Variants in DCUN1D1 observed in about 807,000 individuals in gnomAD.
DCUN1D1 encodes DCN1-like protein 1.
DCUN1D1 carries 3 observed loss-of-function variants against 39.0 expected under a neutral mutation model. That is an observed-to-expected ratio of 0.08 (90% confidence interval 0.04 to 0.20). The LOEUF (loss-of-function observed/expected upper bound fraction) is 0.20, where lower values mean the gene tolerates loss of function less well. Among genes scored for constraint, DCUN1D1 ranks in the 10% least tolerant of loss-of-function variants. The pLI, the probability that DCUN1D1 is intolerant of heterozygous loss-of-function variation, is 1.00. For synonymous variants in DCUN1D1, 82 were observed against 96.3 expected (o/e 0.85, Z 0.87); for missense variants, 158 against 302.4 (o/e 0.52, Z 3.54).
At chr3:182,957,481 G>T (rs1727133735) in intron 4 of DCUN1D1, among the ~76,000 whole-genome samples, 1 of 151,998 alleles carries the variant, frequency 6.6e-6, no homozygotes, top group Non-Finnish European at 1.5e-5. Context: ...GTAAAAATTA[G>T]CCAGGCATGG....
chr3:182,960,169 GCA>G (rs1309776482), intron 4 of DCUN1D1, among the ~76,000 whole-genome samples: 1 of 152,052 alleles, frequency 6.6e-6, no homozygotes, highest in Non-Finnish European at 1.5e-5. Flanking sequence ...ACAGTACTTA[GCA>G]CAGTGCCAGA....
chr3:182,944,963 T>C lies in DCUN1D1; in HGVS notation c.*131A>G. ...TATGGTCCAAGATGTATCCTTAAAG[T>C]TTTGTCTCAACCCTCAGTCTGAATT... On this transcript the variant is annotated 3_prime_UTR_variant, in exon 7 of 7. Coordinates refer to ENST00000292782, the MANE Select transcript of DCUN1D1 (RefSeq NM_020640.4). 1.4e-6 allele frequency: 1 copy of C among 738,404 alleles called. No individual in the cohort carries two copies. Among genetic ancestry groups the C allele is most frequent in the South Asian group, 1.7e-5 (1 of 57,322 alleles). The allele number at this position is 738,404 out of a possible 1,614,324, so 45.7% of individuals were successfully genotyped here. A position where few individuals can be genotyped will look rare whatever the true frequency, so the allele number is the denominator to read the frequency against.
intron 4 of DCUN1D1, among the ~76,000 whole-genome samples, chr3:182,948,418 GAC>G (rs1206381397): frequency 4.0e-5 from 6 of 151,484 alleles, no homozygotes; most frequent in Middle Eastern, 3.2e-3. Context: ...CTTACCACAC[GAC>G]AGAGAACTAC....
intron 1 of DCUN1D1, among the ~76,000 whole-genome samples, chr3:182,966,321 A>G (rs1268365988): frequency 6.6e-6 from 1 of 152,230 alleles, no homozygotes; most frequent in Non-Finnish European, 1.5e-5. Flanking sequence ...AATAGGAGAA[A>G]GCAATAAAAT....
In DCUN1D1 at chr3:182,939,193, G is replaced by A. The variant is rs1726026838; in HGVS notation, c.*5901C>T. The stretch of plus-strand genomic sequence containing the variant: ...CATAAAGTAAATACCCGCCAGGATG[G>A]CTGCAATAAAAAAGACAAGTATTGG... On this transcript the variant is annotated 3_prime_UTR_variant, in exon 7 of 7. Coordinates refer to ENST00000292782, the MANE Select transcript of DCUN1D1 (RefSeq NM_020640.4). The A allele has an allele frequency of 1.3e-5, 2 of 152,178 alleles. No individual in the cohort carries two copies. Among genetic ancestry groups the A allele is most frequent in the Admixed American group, 1.3e-4 (2 of 15,278 alleles). 9.4% of individuals were successfully genotyped at this position (152,178 alleles called of 1,614,324 possible).
intron 4 of DCUN1D1, among the ~76,000 whole-genome samples, chr3:182,953,605 G>A (rs1413310193): frequency 2.0e-5 from 3 of 152,080 alleles, no homozygotes; most frequent in East Asian, 1.9e-4. Flanking sequence ...CAAAGCATTC[G>A]TAACAGTACC....
intron 2 of DCUN1D1, among the ~76,000 whole-genome samples, chr3:182,964,254 G>A (rs554388273): frequency 8.5e-5 from 13 of 152,278 alleles, no homozygotes; most frequent in Non-Finnish European, 1.8e-4. Flanking sequence ...GATATATGCA[G>A]ATGAGACATG....
chr3:182,959,325 C>A (rs1182869137), intron 4 of DCUN1D1, among the ~76,000 whole-genome samples: 3 of 151,998 alleles, frequency 2.0e-5, no homozygotes, highest in Admixed American at 2.0e-4. Context: ...TGGGGCCATA[C>A]CACATTACAA....
intron 2 of DCUN1D1, among the ~76,000 whole-genome samples, chr3:182,964,337 T>A (rs558244855): frequency 5.3e-5 from 8 of 152,320 alleles, no homozygotes; most frequent in African/African-American, 1.9e-4. Flanking sequence ...CAGACATTCG[T>A]ATATAGGGAC....
In DCUN1D1 at chr3:182,940,727, C is replaced by T. The variant is rs1726098381; in HGVS notation, c.*4367G>A. 1 of 152,094 alleles carries T rather than the reference C, an allele frequency of 6.6e-6. No individual in the cohort carries two copies. Among genetic ancestry groups the T allele is most frequent in the Admixed American group, 6.6e-5 (1 of 15,254 alleles). 9.4% of individuals were successfully genotyped at this position (152,094 alleles called of 1,614,324 possible). A position where few individuals can be genotyped will look rare whatever the true frequency, so the allele number is the denominator to read the frequency against. On this transcript the variant is annotated 3_prime_UTR_variant, in exon 7 of 7. Coordinates refer to ENST00000292782, the MANE Select transcript of DCUN1D1 (RefSeq NM_020640.4). ...CCAAGTTACAGCTTCAAGACCAATG[C>T]TCTGAAGTATTACAAGCTACATTAT...
At chr3:182,977,440 A>G (rs1728292104) in intron 1 of DCUN1D1, among the ~76,000 whole-genome samples, 2 of 151,974 alleles carry the variant, frequency 1.3e-5, no homozygotes, top group South Asian at 4.1e-4. Flanking sequence ...ACACGTTTTG[A>G]ACACTTTTTT....
chr3:182,971,565 C>T (rs1186470426), intron 1 of DCUN1D1, among the ~76,000 whole-genome samples: 9 of 147,220 alleles, frequency 6.1e-5, no homozygotes, highest in Non-Finnish European at 8.9e-5. Context: ...AGAAGGCATG[C>T]GACCCTATCT....
At chr3:182,976,444 TACACACACAC>T (rs59465164) in intron 1 of DCUN1D1, among the ~76,000 whole-genome samples, 4,304 of 140,522 alleles carry the variant, frequency 0.031, 123 homozygotes, top group Admixed American at 0.089. Context: ...TATACATACA[TACACACACAC>T]ACACACACAC....
rs573193786 is a variant in DCUN1D1, at chr3:182,946,096, A to G, written c.701-923T>C. 2.0e-5 allele frequency among the ~76,000 whole-genome samples: 3 copies of G among 152,272 alleles called. No individual in the cohort carries two copies. In the East Asian group the frequency reaches 5.8e-4, roughly 29 times the overall value. On this transcript the variant is annotated intron_variant, in intron 6 of 6. Transcript: ENST00000292782. The stretch of plus-strand genomic sequence containing the variant: ...TCTCAAGTGGACTAGGGAAATATGT[A>G]TGAAGAAATCAATGTAAATCACTTC...
intron 1 of DCUN1D1, chr3:182,985,780 C>A (rs1728713856): frequency 1.3e-5 from 2 of 152,250 alleles, no homozygotes; most frequent in Non-Finnish European, 2.9e-5. Context: ...AAGCAGTATT[C>A]CAGTGGGTCA....
chr3:182,979,963 G>C (rs905836879), intron 1 of DCUN1D1: 1 of 158,394 alleles, frequency 6.3e-6, no homozygotes, highest in African/African-American at 2.4e-5. Flanking sequence ...GGAGACTTGC[G>C]GGGTATTGGA....
At chr3:182,960,322 A>C (rs1012684689) in intron 4 of DCUN1D1, among the ~76,000 whole-genome samples, 1 of 152,208 alleles carries the variant, frequency 6.6e-6, no homozygotes. Context: ...ATTTCAAAAG[A>C]AGCCTGTGGT....
At chr3:182,956,287 G>T in intron 4 of DCUN1D1, 1 of 278,072 alleles carries the variant, frequency 3.6e-6, no homozygotes. Flanking sequence ...AATGAGGCAC[G>T]TTGCCTTTCT....
At chr3:182,955,572 AC>A (rs1727002717) in intron 4 of DCUN1D1, 1 of 505,572 alleles carries the variant, frequency 2.0e-6, no homozygotes, top group Admixed American at 2.1e-5. Flanking sequence ...TACAGCGCTG[AC>A]ATACTCCATC....
Sources: gnomAD v4.1 joint callset for allele counts (sites outside exome capture counted in the v4.1 genomes callset) on GRCh38, gnomAD v4.1.1 for gene constraint, MANE v1.5 for transcripts, NCBI Gene and HGNC (gene_info 2026-07-23, HGNC 2026-07-21) for gene names.